Variants in GAS7 observed in about 807,000 individuals in gnomAD.
The protein encoded by GAS7 is growth arrest-specific protein 7.
In GAS7, 28 loss-of-function variants were observed where a neutral mutation model predicts 71.1. That is an observed-to-expected ratio of 0.39 (90% CI 0.29 to 0.54). The LOEUF is 0.54. GAS7 is among the 20% of genes least tolerant of loss of function. The pLI is 0.62. For synonymous variants in GAS7, 258 were observed against 245.8 expected, an observed-to-expected ratio of 1.05 and a Z score of -0.46; for missense variants, 436 against 627.8, an observed-to-expected ratio of 0.69 and a Z score of 3.27.
Position 9,916,774 on chromosome 17 carries a change from G to T in GAS7, c.*454C>A. 2.5e-6 allele frequency: 1 copy of T among 399,694 alleles called. No homozygotes were observed. The highest frequency in any genetic ancestry group is 4.4e-6 in the Non-Finnish European group (1 of 226,988). 24.8% of individuals were successfully genotyped at this position (399,694 alleles called of 1,614,324 possible). ...TTCTGGGTGCGGCTGTGAGCTGAAT[G>T]GCACCTTCTACCCATGATTCTGATC... is the stretch of plus-strand genomic sequence containing the variant. On this transcript the variant is annotated 3_prime_UTR_variant, in exon 14 of 14. Transcript: ENST00000432992.
chr17:10,025,124 G>A lies in GAS7; in HGVS notation c.184-5227C>T, dbSNP rs368985848. Among the ~76,000 whole-genome samples the A allele has an allele frequency of 1.1e-3, 164 of 152,238 alleles. 4 individuals are homozygous for A. The South Asian group carries it at 0.031, about 29-fold the overall frequency. ...AAACTGCTTAAAAATATCAGCTGGC[G>A]AGATGCAGTGACTCATGCCTGTAAT... On this transcript the variant is annotated intron_variant, in intron 1 of 13. Transcript: ENST00000432992.
At chr17:10,121,119 G>A (rs1435809763) in intron 1 of GAS7, among the ~76,000 whole-genome samples, 1 of 152,340 alleles carries the variant, frequency 6.6e-6, no homozygotes, top group South Asian at 2.1e-4. Context: ...TGTGGCTCTC[G>A]CCTGTAATCC....
chr17:10,063,824 A>G (rs1466908144), intron 1 of GAS7, among the ~76,000 whole-genome samples: 1 of 152,124 alleles, frequency 6.6e-6, no homozygotes, highest in Non-Finnish European at 1.5e-5. Flanking sequence ...GCTTCCTTCA[A>G]GACACTCAGG....
At chr17:9,955,378 C>G (rs2069189730) in intron 5 of GAS7, among the ~76,000 whole-genome samples, 1 of 152,260 alleles carries the variant, frequency 6.6e-6, no homozygotes, top group East Asian at 1.9e-4. Context: ...TCACTGCCAT[C>G]CTAAAGATCC....
In GAS7 at chr17:9,926,605, T is replaced by A; in HGVS notation, c.1014+36A>T. The stretch of plus-strand genomic sequence containing the variant: ...CCCCCTTCTTCCAGGCAGTCCCCCA[T>A]GCACCTGCCCTGGCCCAGCGTCCTG... On this transcript the variant is annotated intron_variant, in intron 10 of 13. Transcript: ENST00000432992. This position sits in a 1 kb window ranked among gnomAD's most constrained non-coding sequence, Gnocchi z 5.0. The A allele has an allele frequency of 6.2e-7, 1 of 1,607,372 alleles. No individual in the cohort carries two copies. The highest frequency in any genetic ancestry group is 8.5e-7 in the Non-Finnish European group (1 of 1,177,292).
intron 5 of GAS7, among the ~76,000 whole-genome samples, chr17:9,953,651 G>A (rs546693884): frequency 2.0e-5 from 3 of 152,376 alleles, no homozygotes; most frequent in South Asian, 2.1e-4. Context: ...TGGGCTATTT[G>A]CTCGTTCACT....
At chr17:10,042,593 CA>C (rs1053507282) in intron 1 of GAS7, among the ~76,000 whole-genome samples, 1 of 151,108 alleles carries the variant, frequency 6.6e-6, no homozygotes, top group African/African-American at 2.4e-5. Flanking sequence ...CAAACATGGG[CA>C]AAAAAAAGGA....
At chr17:9,945,731 G>A (rs1210912078) in intron 6 of GAS7, among the ~76,000 whole-genome samples, 1 of 152,028 alleles carries the variant, frequency 6.6e-6, no homozygotes, top group Non-Finnish European at 1.5e-5. Context: ...AGCACTTTGG[G>A]AGGCCAAGGT....
At chr17:10,178,799 C>T (rs75204177) in intron 1 of GAS7, among the ~76,000 whole-genome samples, 1,422 of 140,748 alleles carry the variant, frequency 0.01, 13 homozygotes, top group African/African-American at 0.035. Flanking sequence ...AAGATCTCTG[C>T]CCTCTTCCCT....
rs777364322 is a variant in GAS7 at position 9,981,776 on chromosome 17, T to G, written c.385+28A>C. The stretch of plus-strand genomic sequence containing the variant: ...GAATGTGGCATCAGGGCCCTCCCAG[T>G]TGCCCCAAAGCAGACAGCGGACATT... On this transcript the variant is annotated intron_variant, in intron 3 of 13. Transcript: ENST00000432992. The surrounding 1 kb of genome is among the most constrained non-coding windows in gnomAD (Gnocchi z 4.4). 1.5e-6 allele frequency: 2 copies of G among 1,296,342 alleles called. No individual in the cohort carries two copies. Among genetic ancestry groups the G allele is most frequent in the South Asian group, 2.4e-5 (2 of 84,580 alleles). 80.3% of individuals were successfully genotyped at this position (1,296,342 alleles called of 1,614,324 possible).
At chr17:10,166,011 C>CTTTTTTTTTTTTTTT in intron 1 of GAS7, among the ~76,000 whole-genome samples, 1 of 143,170 alleles carries the variant, frequency 7.0e-6, no homozygotes, top group African/African-American at 2.6e-5. Flanking sequence ...TTTTCTTTTT[C>CTTTTTTTTTTTTTTT]TTTTTTTTTT....
intron 1 of GAS7, among the ~76,000 whole-genome samples, chr17:10,067,581 C>T (rs2073295730): frequency 6.6e-6 from 1 of 152,172 alleles, no homozygotes; most frequent in Non-Finnish European, 1.5e-5. Flanking sequence ...TATACCCCCA[C>T]CCCCTCTGGC....
At chr17:9,952,972 C>T (rs1054710778) in intron 5 of GAS7, among the ~76,000 whole-genome samples, 1 of 152,064 alleles carries the variant, frequency 6.6e-6, no homozygotes. Flanking sequence ...AACTATCATT[C>T]GACCCAGCAA....
chr17:10,007,467 A>G (rs1011327869), intron 2 of GAS7, among the ~76,000 whole-genome samples: 2 of 151,972 alleles, frequency 1.3e-5, no homozygotes, highest in African/African-American at 4.8e-5. Flanking sequence ...TCTACTAAAA[A>G]TACAAAATTA....
chr17:10,100,569 C>T (rs1180842111), intron 1 of GAS7, among the ~76,000 whole-genome samples: 5 of 151,094 alleles, frequency 3.3e-5, no homozygotes, highest in Admixed American at 6.6e-5. Flanking sequence ...GACATCCATT[C>T]TCCTCCCTCA....
Position 10,175,390 on chromosome 17 carries a change from T to A in GAS7, c.183+22818A>T, listed in dbSNP as rs62064583. ...TCATAGACTGGGTGGCTTAAACCACTGAAATTTATTTCCTCACAGTTCTAG... is the reference window on the plus strand; with the variant it reads ...TCATAGACTGGGTGGCTTAAACCACAGAAATTTATTTCCTCACAGTTCTAG... On this transcript the variant is annotated intron_variant, in intron 1 of 13. Coordinates refer to ENST00000432992, the MANE Select transcript of GAS7 (RefSeq NM_201433.2). Among the ~76,000 whole-genome samples the A allele has an allele frequency of 6.8e-3, 1,034 of 152,188 alleles. 5 individuals are homozygous for A. Among genetic ancestry groups the A allele is most frequent in the Middle Eastern group, 0.02 (6 of 294 alleles).
intron 2 of GAS7, among the ~76,000 whole-genome samples, chr17:10,011,671 G>A (rs2071777765): frequency 6.6e-6 from 1 of 152,146 alleles, no homozygotes; most frequent in Non-Finnish European, 1.5e-5. Flanking sequence ...TAGTGGGGGA[G>A]AAAGGGTTAA....
intron 1 of GAS7, among the ~76,000 whole-genome samples, chr17:10,093,967 A>C (rs2073615527): frequency 6.6e-6 from 1 of 152,188 alleles, no homozygotes; most frequent in Non-Finnish European, 1.5e-5. Context: ...CTGGCATAAG[A>C]AGCAAAGATG....
At chr17:10,159,284 A>G (rs1253782553) in intron 1 of GAS7, among the ~76,000 whole-genome samples, 1 of 151,662 alleles carries the variant, frequency 6.6e-6, no homozygotes, top group Non-Finnish European at 1.5e-5. Flanking sequence ...CACATATTCT[A>G]TGACCTAGCA....
Sources: gnomAD v4.1 joint callset for allele counts (sites outside exome capture counted in the v4.1 genomes callset) on GRCh38, gnomAD v4.1.1 for gene constraint, Gnocchi (gnomAD v3.1) non-coding constraint, MANE v1.5 for transcripts, NCBI Gene and HGNC (gene_info 2026-07-23, HGNC 2026-07-21) for gene names.